Variants in KIF14 observed in about 807,000 individuals in gnomAD.
KIF14 encodes the protein kinesin family member 14, also known as kinesin-like protein KIF14.
In KIF14, 98 loss-of-function variants were observed where a neutral mutation model predicts 176.2. The ratio of observed to expected loss-of-function variants is 0.56; its 90% CI spans 0.47 to 0.66. The LOEUF is 0.66. Ranked by LOEUF, KIF14 falls within the 30% of genes least tolerant of loss-of-function variation. KIF14 has a pLI of 0.00. For missense variants in KIF14, 1,751 were observed against 1,920.4 expected (o/e 0.91, Z 1.65); for synonymous variants, 566 against 632.2 (o/e 0.90, Z 1.57).
chr1:200,568,533 T>C (rs1427015418), intron 23 of KIF14, among the ~76,000 whole-genome samples: 1 of 152,220 alleles, frequency 6.6e-6, no homozygotes, highest in African/African-American at 2.4e-5. Flanking sequence ...TTTTAAAATT[T>C]TTGTTTACTA....
intron 22 of KIF14, among the ~76,000 whole-genome samples, chr1:200,571,320 G>GAA (rs57110701): frequency 0.3 from 40,064 of 133,274 alleles, 6,579 homozygotes; most frequent in African/African-American, 0.43. Context: ...ATCTCAAAAA[G>GAA]AAAAAAAAAA....
At chr1:200,608,782 T>A (rs1660012622) in intron 5 of KIF14, 48 bp downstream of exon 5, 1 of 1,167,650 alleles carries the variant, frequency 8.6e-7, no homozygotes, top group Non-Finnish European at 1.3e-6. Flanking sequence ...TTAGATACAT[T>A]TATAAGAACA....
At position 200,553,602 on chromosome 1, in the gene KIF14, A is replaced by G; in HGVS notation, c.4733T>C (p.Leu1578Pro). 6.2e-7 allele frequency: 1 copy of G among 1,614,140 alleles called. No homozygotes were observed. Residue 1578 changes from leucine to proline, a missense_variant, in exon 30 of 30, where the codon CTC becomes CCC. Leu to Pro is a moderately conservative substitution (Grantham distance 98, BLOSUM62 -3). Coordinates refer to ENST00000367350, the MANE Select transcript of KIF14 (RefSeq NM_014875.3). ...TTCTTCAGATTCAAAACAAAAGAGG[A>G]GAGACTTAGCTAGAGATTCTAGTTC... ...HQELESLAKS[L>P]LFCFESEESP...
intron 20 of KIF14, among the ~76,000 whole-genome samples, chr1:200,580,881 C>T (rs935416687): frequency 2.6e-5 from 4 of 151,922 alleles, no homozygotes; most frequent in Non-Finnish European, 5.9e-5. Context: ...GAGGCCAAGT[C>T]AGGCGGATCA....
intron 21 of KIF14, among the ~76,000 whole-genome samples, chr1:200,577,949 CTT>C (rs1163311791): frequency 4.7e-5 from 7 of 149,242 alleles, no homozygotes; most frequent in Non-Finnish European, 8.9e-5. Context: ...TTTTCCTACA[CTT>C]TGTTGTTTTT....
At chr1:200,578,939 A>C (rs1234600517) in intron 21 of KIF14, among the ~76,000 whole-genome samples, 1 of 151,874 alleles carries the variant, frequency 6.6e-6, no homozygotes, top group East Asian at 1.9e-4. Context: ...AAAACACAAA[A>C]AATTAACCGG....
At position 200,603,949 on chromosome 1, in the gene KIF14, A is replaced by G. The variant is rs201600249; in HGVS notation, c.1753T>C (p.Phe585Leu). 3.6e-4 allele frequency: 570 copies of G among 1,595,972 alleles called. 6 individuals carry two copies. The South Asian group carries it at 5.8e-3, about 16-fold the overall frequency. ...TGATCGTGTTCTTCCCCTTCCACAA[A>G]TTCTGTCTACAGCAAAATGATATTA... ...TLVMTQTKTE[F>L]VEGEEHDHRI... Residue 585 changes from phenylalanine (F) to leucine (L), a missense_variant, in exon 9 of 30, where the codon TTT (phenylalanine) becomes CTT (leucine). Phe to Leu is a conservative substitution (Grantham distance 22). Transcript: ENST00000367350.
In KIF14 at chr1:200,560,748, C is replaced by A; in HGVS notation, c.4204G>T (p.Gly1402Cys). 1 of 1,614,164 alleles carries A rather than the reference C, an allele frequency of 6.2e-7. No individual in the cohort carries two copies. Among genetic ancestry groups the A allele is most frequent in the East Asian group, 2.2e-5 (1 of 44,882 alleles). The change falls in exon 26 of 30, where the codon GGT becomes TGT. Residue 1402 changes from glycine to cysteine, a missense_variant. Gly to Cys is a radical substitution (Grantham distance 159). Coordinates refer to ENST00000367350, the MANE Select transcript of KIF14 (RefSeq NM_014875.3). Reference protein sequence around the residue: ...KGSKLHFLENGNNKAASVQEE... With the variant: ...KGSKLHFLENCNNKAASVQEE... ...TGGACACTGGCAGCTTTATTGTTAC[C>A]GTTTTCTAGAAAATGTAGCTTGCTC...
At chr1:200,561,661 C>T (rs772532814) in intron 25 of KIF14, among the ~76,000 whole-genome samples, 20 of 151,796 alleles carry the variant, frequency 1.3e-4, no homozygotes, top group African/African-American at 4.8e-4. Flanking sequence ...CAGTCAGAAC[C>T]AGAAAACATC....
chr1:200,569,970 C>G lies in KIF14; in HGVS notation c.3602G>C (p.Gly1201Ala). The G allele has an allele frequency of 6.2e-7, 1 of 1,603,452 alleles. No homozygotes were observed. Among genetic ancestry groups the G allele is most frequent in the Non-Finnish European group, 8.5e-7 (1 of 1,172,662 alleles). Reference protein sequence around the residue: ...RSLMKNRRISGCLHDIQVHPI... With the variant: ...RSLMKNRRISACLHDIQVHPI... ...ATGGACTTGTATGTCATGTAAACAACCAGAAATTCTTCTGTTCTTCATCAA... is the reference window on the plus strand; with the variant it reads ...ATGGACTTGTATGTCATGTAAACAAGCAGAAATTCTTCTGTTCTTCATCAA... The change falls in exon 23 of 30, where the codon GGT (glycine) becomes GCT (alanine). Residue 1201 changes from glycine (G) to alanine (A), a missense_variant. Gly to Ala is a moderately conservative substitution (Grantham distance 60, BLOSUM62 0). Transcript: ENST00000367350.
At chr1:200,561,565 GAA>G (rs11296476) in intron 25 of KIF14, among the ~76,000 whole-genome samples, 20 of 132,732 alleles carry the variant, frequency 1.5e-4, no homozygotes, top group East Asian at 4.1e-4. Flanking sequence ...GAAAAGAGAA[GAA>G]AAAAAAAAAA....
chr1:200,565,721 T>C (rs749208367), intron 23 of KIF14, 52 bp from the exon 24 acceptor site: 12 of 1,205,372 alleles, frequency 1.0e-5, no homozygotes, highest in Non-Finnish European at 1.4e-5. Flanking sequence ...AATAATACTT[T>C]CTTTTTTAAA....
At chr1:200,579,906 A>G (rs1327366859) in intron 21 of KIF14, among the ~76,000 whole-genome samples, 1 of 152,112 alleles carries the variant, frequency 6.6e-6, no homozygotes, top group East Asian at 1.9e-4. Context: ...ATTTCAAATG[A>G]TGTAATATGA....
intron 8 of KIF14, among the ~76,000 whole-genome samples, chr1:200,604,822 T>C (rs1156431507): frequency 6.6e-6 from 1 of 152,056 alleles, no homozygotes; most frequent in South Asian, 2.1e-4. Flanking sequence ...GTGGAACCTA[T>C]GGCTAAATTT....
At chr1:200,587,726 G>A (rs972584220) in intron 18 of KIF14, among the ~76,000 whole-genome samples, 1 of 152,178 alleles carries the variant, frequency 6.6e-6, no homozygotes, top group Non-Finnish European at 1.5e-5. Context: ...TGAGGCAGCA[G>A]AATCTCTGGA....
At chr1:200,584,360 G>A (rs575750780) in intron 19 of KIF14, among the ~76,000 whole-genome samples, 4 of 152,144 alleles carry the variant, frequency 2.6e-5, no homozygotes, top group Middle Eastern at 3.4e-3. Context: ...CTTTTGCAAG[G>A]CCAGCATTAC....
chr1:200,599,999 C>T, intron 13 of KIF14, 51 bp downstream of exon 13: 1 of 1,087,276 alleles, frequency 9.2e-7, no homozygotes, highest in Non-Finnish European at 1.4e-6. Flanking sequence ...ATATTTATTT[C>T]TTGGCATATT....
intron 22 of KIF14, among the ~76,000 whole-genome samples, 168 bp from the exon 23 acceptor site, chr1:200,570,173 A>G (rs1453380165): frequency 6.6e-6 from 1 of 152,216 alleles, no homozygotes; most frequent in African/African-American, 2.4e-5. Flanking sequence ...GAATTTTACT[A>G]TTTACAGGCA....
At chr1:200,610,105 T>C (rs1256083513) in intron 4 of KIF14, among the ~76,000 whole-genome samples, 1 of 152,228 alleles carries the variant, frequency 6.6e-6, no homozygotes, top group Non-Finnish European at 1.5e-5. Flanking sequence ...TGAAAATTTT[T>C]TGGCACTAGA....
Sources: gnomAD v4.1 joint callset for allele counts (sites outside exome capture counted in the v4.1 genomes callset) on GRCh38, gnomAD v4.1.1 for gene constraint, MANE v1.5 for transcripts, NCBI Gene and HGNC (gene_info 2026-07-23, HGNC 2026-07-21) for gene names.